BEST3: variants seen among roughly 807,000 people sequenced by gnomAD.
BEST3 encodes bestrophin 3.
A neutral mutation model predicts 47.1 loss-of-function variants in BEST3; 50 were observed. That is an observed-to-expected ratio of 1.06 (90% CI 0.85 to 1.34). The LOEUF is 1.34. Among genes scored for constraint, BEST3 ranks in the 40% most tolerant of loss-of-function variants. The pLI is 0.00. For missense variants in BEST3, 765 were observed against 817.0 expected (o/e 0.94, Z 0.78); for synonymous variants, 282 against 298.8 (o/e 0.94, Z 0.58).
chr12:69,686,779 C>CAAA (rs71094728), intron 4 of BEST3, among the ~76,000 whole-genome samples: 1 of 99,390 alleles, frequency 1.0e-5, no homozygotes, highest in Non-Finnish European at 2.0e-5. Context: ...CTCAAAAAAA[C>CAAA]AAAAAAAAAA....
intron 4 of BEST3, among the ~76,000 whole-genome samples, chr12:69,684,771 A>T (rs1242930234): frequency 6.6e-6 from 1 of 152,204 alleles, no homozygotes; most frequent in African/African-American, 2.4e-5. Flanking sequence ...CATTCAATGG[A>T]AGAGGTTTAG....
intron 1 of BEST3, among the ~76,000 whole-genome samples, chr12:69,698,435 A>T (rs1886213825): frequency 1.3e-5 from 2 of 152,208 alleles, no homozygotes; most frequent in Non-Finnish European, 2.9e-5. Flanking sequence ...GTTTTTGGTG[A>T]GTTCTTTGGA....
chr12:69,686,771 C>CAAAAAAACAAAAAAA (rs376779536), intron 4 of BEST3, among the ~76,000 whole-genome samples: 1,187 of 49,858 alleles, frequency 0.024, 25 homozygotes, highest in African/African-American at 0.12. Context: ...GATTCTGCCT[C>CAAAAAAACAAAAAAA]AAAAAAACAA....
At position 69,654,268 on chromosome 12, in the gene BEST3, A is replaced by C. The variant is rs1229131753; in HGVS notation, c.*639T>G. ...ACAACCAGGGAGAAGGGAAGGGAAA[A>C]AAAGGATGACAGAATAAAAGGAAAA... is the stretch of plus-strand genomic sequence containing the variant. On this transcript the variant is annotated 3_prime_UTR_variant, in exon 10 of 10. Coordinates refer to ENST00000330891, the MANE Select transcript of BEST3 (RefSeq NM_032735.3). The C allele has an allele frequency of 1.0e-6, 1 of 985,024 alleles. No individual in the cohort carries two copies. Among genetic ancestry groups the C allele is most frequent in the Non-Finnish European group, 1.2e-6 (1 of 829,634 alleles). 61.0% of individuals were successfully genotyped at this position (985,024 alleles called of 1,614,324 possible).
At chr12:69,656,581 T>G (rs1410017241) in intron 9 of BEST3, among the ~76,000 whole-genome samples, 1 of 152,158 alleles carries the variant, frequency 6.6e-6, no homozygotes, top group Non-Finnish European at 1.5e-5. Context: ...ATTGATTCAT[T>G]TAGTTATCAC....
At chr12:69,689,620 C>T (rs1450994057) in intron 4 of BEST3, among the ~76,000 whole-genome samples, 1 of 152,126 alleles carries the variant, frequency 6.6e-6, no homozygotes, top group East Asian at 1.9e-4. Context: ...GCAACTGGGA[C>T]CTTTTCACTG....
chr12:69,651,775 C>CAAAAAAA, downstream of BEST3, among the ~76,000 whole-genome samples: 1 of 53,474 alleles, frequency 1.9e-5, no homozygotes, highest in Non-Finnish European at 3.7e-5. Context: ...GACTCTGTCT[C>CAAAAAAA]AAAAAAAAAA....
chr12:69,684,306 A>G (rs1372855516), intron 4 of BEST3: 1 of 391,688 alleles, frequency 2.6e-6, no homozygotes, highest in Non-Finnish European at 4.5e-6. Context: ...ATCTCTCAAT[A>G]TAGATACATG....
chr12:69,691,532 C>T lies in BEST3; in HGVS notation c.481+2142G>A, dbSNP rs913501254. Among the ~76,000 whole-genome samples, 38 of 152,234 alleles carry T rather than the reference C, an allele frequency of 2.5e-4. 2 individuals are homozygous for T. Among genetic ancestry groups the T allele is most frequent in the African/African-American group, 8.4e-4 (35 of 41,542 alleles). On this transcript the variant is annotated intron_variant, in intron 4 of 9. Transcript: ENST00000330891. ...AGTTGAGGCCAGGCATGGTGGTTCA[C>T]GCCTGTAATCCCAGCACTTTGGGAG...
Position 69,654,544 on chromosome 12 carries a change from T to G in BEST3, c.*363A>C. 1.0e-6 allele frequency: 1 copy of G among 1,002,078 alleles called. No homozygotes were observed. Among genetic ancestry groups the G allele is most frequent in the Non-Finnish European group, 1.2e-6 (1 of 841,090 alleles). 62.1% of individuals were successfully genotyped at this position (1,002,078 alleles called of 1,614,324 possible). On this transcript the variant is annotated 3_prime_UTR_variant, in exon 10 of 10. Transcript: ENST00000330891. ...TAGAGAACCCTGCGTGTCTGGGCCT[T>G]TGGGTCTAGGGGATTGGACTATGAT...
intron 9 of BEST3, chr12:69,669,928 C>G (rs1884455551): frequency 6.6e-6 from 1 of 152,608 alleles, no homozygotes; most frequent in Non-Finnish European, 1.5e-5. Context: ...ACTCAATGGA[C>G]ATAAGAAATA....
chr12:69,650,677 A>G (rs1420053550), downstream of BEST3, among the ~76,000 whole-genome samples: 1 of 152,188 alleles, frequency 6.6e-6, no homozygotes, highest in Non-Finnish European at 1.5e-5. Context: ...GGGGTTCTAA[A>G]TCCTCTAGAT....
rs987560543 is a variant in BEST3, at chr12:69,673,396, A to G, written c.868-431T>C. Among the ~76,000 whole-genome samples the G allele has an allele frequency of 6.6e-5, 10 of 152,194 alleles. 1 individual carries two copies. In the South Asian group the frequency reaches 1.7e-3, roughly 25 times the overall value. On this transcript the variant is annotated intron_variant, in intron 7 of 9. Coordinates refer to ENST00000330891, the MANE Select transcript of BEST3 (RefSeq NM_032735.3). Reference sequence around the variant, plus strand: ...GGTTAAACAGTAAAGAAAGACTTAAATCACACTTAAAGAAAATAATATAAG... The same window carrying G: ...GGTTAAACAGTAAAGAAAGACTTAAGTCACACTTAAAGAAAATAATATAAG...
chr12:69,679,448 C>T (rs1390907392), intron 4 of BEST3, among the ~76,000 whole-genome samples: 1 of 152,216 alleles, frequency 6.6e-6, no homozygotes, highest in African/African-American at 2.4e-5. Flanking sequence ...ATGGTACTCG[C>T]TCTTGGCTTG....
At chr12:69,656,810 G>A (rs1300098778) in intron 9 of BEST3, among the ~76,000 whole-genome samples, 1 of 152,128 alleles carries the variant, frequency 6.6e-6, no homozygotes, top group African/African-American at 2.4e-5. Flanking sequence ...CTACACAGGG[G>A]TCAAGGGATG....
chr12:69,678,664 G>A, intron 5 of BEST3, 75 bp downstream of exon 5: 1 of 1,424,334 alleles, frequency 7.0e-7, no homozygotes, highest in Non-Finnish European at 9.8e-7. Context: ...GACTCTTCCT[G>A]GTCTAACGTG....
At chr12:69,696,034 T>C (rs1382212369) in intron 2 of BEST3, among the ~76,000 whole-genome samples, 3 of 152,268 alleles carry the variant, frequency 2.0e-5, no homozygotes, top group Admixed American at 6.5e-5. Flanking sequence ...TTGTTAGGAA[T>C]AATTATGTAC....
chr12:69,656,361 A>G (rs1447310008), intron 9 of BEST3, among the ~76,000 whole-genome samples: 2 of 114,820 alleles, frequency 1.7e-5, no homozygotes, highest in Non-Finnish European at 3.7e-5. Flanking sequence ...ATCTATATCT[A>G]TGAATCTATC....
Position 69,655,820 on chromosome 12 carries a change from C to G in BEST3, c.1101-7G>C. 1 of 1,596,438 alleles carries G rather than the reference C, an allele frequency of 6.3e-7. No individual in the cohort carries two copies. Among genetic ancestry groups the G allele is most frequent in the Non-Finnish European group, 8.6e-7 (1 of 1,168,912 alleles). Reference sequence around the variant, plus strand: ...AAAGTCGGACCCAGACAGCCTGAAACACACAATGACAAGATCCAGGCAGAG... The same window carrying G: ...AAAGTCGGACCCAGACAGCCTGAAAGACACAATGACAAGATCCAGGCAGAG... On this transcript the variant is annotated splice_region_variant and splice_polypyrimidine_tract_variant and intron_variant, in intron 9 of 9. Transcript: ENST00000330891.
Sources: allele counts gnomAD v4.1 joint callset (sites outside exome capture counted in the v4.1 genomes callset), GRCh38; gene constraint gnomAD v4.1.1; transcripts MANE v1.5; gene names NCBI Gene and HGNC (gene_info 2026-07-23, HGNC 2026-07-21).